FER1L5: variants seen among roughly 807,000 people sequenced by gnomAD.
FER1L5 encodes fer-1 like family member 5.
FER1L5 carries 187 observed loss-of-function variants against 279.9 expected under a neutral mutation model. That is an observed-to-expected ratio of 0.67 (90% confidence interval 0.59 to 0.75). FER1L5 has a LOEUF of 0.75. FER1L5 is among the 30% of genes least tolerant of loss of function. The probability of loss-of-function intolerance (pLI) is 0.00; values close to 1 mark genes in which losing one functional copy is unlikely to be tolerated. For missense variants in FER1L5, 2,091 were observed against 2,594.4 expected, an observed-to-expected ratio of 0.81 and a Z score of 4.21; for synonymous variants, 921 against 989.7, an observed-to-expected ratio of 0.93 and a Z score of 1.30.
chr2:96,704,592 C>T lies in FER1L5; in HGVS notation c.6074C>T (p.Pro2025Leu). The change falls in exon 53 of 53, where the codon CCA becomes CTA. Residue 2025 changes from proline (P) to leucine (L), a missense_variant. By Grantham distance (98) the Pro-to-Leu change is moderately conservative. Transcript: ENST00000624922. ...TCTTCCATCCTTCCCACCCAGGATC[C>T]AAACCTAAAGCCTACAATAGACCAT... Reference protein sequence around the residue: ...ASSSILPTQDPNLKPTIDHEW... With the variant: ...ASSSILPTQDLNLKPTIDHEW... 1 of 1,613,962 alleles carries T rather than the reference C, an allele frequency of 6.2e-7. No homozygotes were observed.
At chr2:96,704,163 G>T in intron 51 of FER1L5, 52 bp from the exon 52 acceptor site, 1 of 1,599,624 alleles carries the variant, frequency 6.3e-7, no homozygotes, top group South Asian at 1.1e-5. Context: ...CAGATTACTT[G>T]ACCTGAAGGT....
At chr2:96,688,419 G>A (rs2077015942) in intron 24 of FER1L5, among the ~76,000 whole-genome samples, 1 of 152,134 alleles carries the variant, frequency 6.6e-6, no homozygotes, top group Admixed American at 6.5e-5. Context: ...AATGGTAGAG[G>A]AGTAGGATCT....
rs757733874 is a variant in FER1L5 at position 96,700,434 on chromosome 2, G to A, written c.5033G>A (p.Arg1678His). The change falls in exon 45 of 53, where the codon CGC (arginine) becomes CAC (histidine). Residue 1678 changes from arginine (R) to histidine (H), a missense_variant. Coordinates refer to ENST00000624922, the MANE Select transcript of FER1L5 (RefSeq NM_001293083.2). ...QGLVPEHVET[R>H]TLYSHSQPGI... ...CTGGTACCTGAGCACGTGGAGACCC[G>A]CACACTGTACAGCCACAGCCAGCCA... 2.4e-5 allele frequency: 38 copies of A among 1,613,446 alleles called. No individual in the cohort carries two copies. The highest frequency in any genetic ancestry group is 3.3e-5 in the Admixed American group (2 of 60,004).
chr2:96,698,886 T>C lies in FER1L5; in HGVS notation c.4518+54T>C. 6.5e-6 allele frequency: 10 copies of C among 1,543,238 alleles called. No individual in the cohort carries two copies. Among genetic ancestry groups the C allele is most frequent in the South Asian group, 1.2e-5 (1 of 83,850 alleles). On this transcript the variant is annotated intron_variant, in intron 41 of 52. Transcript: ENST00000624922. The surrounding 1 kb of genome is among the most constrained non-coding windows in gnomAD (Gnocchi z 5.5). ...TGCCCCGCACGCTCCCCTCAACCCA[T>C]CTCTGGGAGCCCCCTCCGACTGCTG...
intron 5 of FER1L5, 140 bp from the exon 6 acceptor site, chr2:96,650,040 A>G: frequency 1.5e-6 from 1 of 677,310 alleles, no homozygotes. Context: ...TCTGGGGAGG[A>G]CATATGTCAC....
intron 13 of FER1L5, 124 bp from the exon 14 acceptor site, chr2:96,663,315 G>T: frequency 1.2e-6 from 1 of 853,214 alleles, no homozygotes; most frequent in Non-Finnish European, 1.9e-6. Context: ...TGAGAGCAGG[G>T]ATTAGCCCAA....
chr2:96,645,509 C>A (rs1372650154), intron 1 of FER1L5, among the ~76,000 whole-genome samples: 1 of 152,178 alleles, frequency 6.6e-6, no homozygotes, highest in Non-Finnish European at 1.5e-5. Context: ...TGAAATGGGC[C>A]GAGCGCGGTG....
At chr2:96,674,067 G>GT (rs2076424480) in intron 19 of FER1L5, among the ~76,000 whole-genome samples, 1 of 152,136 alleles carries the variant, frequency 6.6e-6, no homozygotes, top group Admixed American at 6.6e-5. Context: ...TTGTACAATA[G>GT]TTTCTTAGTA....
intron 20 of FER1L5, 149 bp downstream of exon 20, chr2:96,684,600 AG>A (rs1023314573): frequency 1.8e-5 from 23 of 1,254,434 alleles, no homozygotes; most frequent in Admixed American, 2.6e-5. Flanking sequence ...TGCCAGAAGC[AG>A]GGTAGGCACT....
At chr2:96,669,011 C>T (rs535821931) in intron 16 of FER1L5, 32 bp from the exon 17 acceptor site, 14 of 1,551,648 alleles carry the variant, frequency 9.0e-6, no homozygotes, top group African/African-American at 5.5e-5. Context: ...CCTCGTCCTG[C>T]GCCCGACCCT....
chr2:96,687,862 G>T lies in FER1L5; in HGVS notation c.2276G>T (p.Arg759Leu). 1 of 1,551,290 alleles carries T rather than the reference G, an allele frequency of 6.4e-7. No homozygotes were observed. Among genetic ancestry groups the T allele is most frequent in the Non-Finnish European group, 8.7e-7 (1 of 1,146,964 alleles). The change falls in exon 24 of 53, where the codon CGG becomes CTG. Residue 759 changes from arginine to leucine, a missense_variant. Transcript: ENST00000624922. Reference sequence around the variant, plus strand: ...AAGGATGTGCTCCCAGCTCACCTCCGGGTCTGCATGTGGCTTGGCAATGTC... The same window carrying T: ...AAGGATGTGCTCCCAGCTCACCTCCTGGTCTGCATGTGGCTTGGCAATGTC... The part of the protein sequence containing the change: ...GQKDVLPAHL[R>L]VCMWLGNVTD...
Position 96,694,238 on chromosome 2 carries a change from C to T in FER1L5, c.3637-122C>T, listed in dbSNP as rs1247862257. On this transcript the variant is annotated intron_variant, in intron 33 of 52. Coordinates refer to ENST00000624922, the MANE Select transcript of FER1L5 (RefSeq NM_001293083.2). This position sits in a 1 kb window ranked among gnomAD's most constrained non-coding sequence, Gnocchi z 4.6. ...GCCTGACCAGCCTCTCCCCTAAGTCCCCCTGCCAGCCCCTACCCATGGGGC... is the reference window on the plus strand; with the variant it reads ...GCCTGACCAGCCTCTCCCCTAAGTCTCCCTGCCAGCCCCTACCCATGGGGC... 15 of 1,289,530 alleles carry T rather than the reference C, an allele frequency of 1.2e-5. No homozygotes were observed. Among genetic ancestry groups the T allele is most frequent in the Non-Finnish European group, 1.4e-5 (13 of 959,432 alleles). 79.9% of individuals were successfully genotyped at this position (1,289,530 alleles called of 1,614,324 possible).
chr2:96,688,534 G>A (rs866820991), intron 24 of FER1L5, among the ~76,000 whole-genome samples: 8 of 152,214 alleles, frequency 5.3e-5, no homozygotes, highest in African/African-American at 7.2e-5. Context: ...CCCGGGGGAA[G>A]GACATGGCTC....
intron 10 of FER1L5, among the ~76,000 whole-genome samples, chr2:96,661,044 C>T (rs1412364659): frequency 6.6e-6 from 1 of 152,170 alleles, no homozygotes; most frequent in Non-Finnish European, 1.5e-5. Context: ...AAAATGCTTG[C>T]CTCTACAGTG....
At position 96,646,551 on chromosome 2, in the gene FER1L5, A is replaced by G; in HGVS notation, c.138+98A>G. On this transcript the variant is annotated intron_variant, in intron 2 of 52. Transcript: ENST00000624922. ...AGGTGCTCAGAGGTCTAGGGAGAGG[A>G]CGTGCAACCTCACAGGCTTTCCTCA... 7 of 1,220,536 alleles carry G rather than the reference A, an allele frequency of 5.7e-6. No homozygotes were observed. In the South Asian group the frequency reaches 8.0e-5, roughly 14 times the overall value. The allele number at this position is 1,220,536 out of a possible 1,614,324, so 75.6% of individuals were successfully genotyped here. A position where few individuals can be genotyped will look rare whatever the true frequency, so the allele number is the denominator to read the frequency against.
At chr2:96,658,506 C>T (rs1159787174) in intron 9 of FER1L5, among the ~76,000 whole-genome samples, 1 of 152,014 alleles carries the variant, frequency 6.6e-6, no homozygotes, top group Non-Finnish European at 1.5e-5. Flanking sequence ...CCCGCCTCGG[C>T]CTCCCAAAGT....
intron 18 of FER1L5, among the ~76,000 whole-genome samples, chr2:96,671,314 C>A (rs1037579170): frequency 1.3e-5 from 2 of 151,936 alleles, no homozygotes; most frequent in Admixed American, 6.6e-5. Context: ...GTCACCCAGT[C>A]AAGAGAAACA....
Position 96,652,047 on chromosome 2 carries a change from A to G in FER1L5, c.633+27A>G, listed in dbSNP as rs753986379. The G allele has an allele frequency of 1.7e-5, 26 of 1,551,416 alleles. 1 individual carries two copies. The South Asian group carries it at 3.1e-4, about 18-fold the overall frequency. The stretch of plus-strand genomic sequence containing the variant: ...TGGGCTGAACGGGGCACATCAGGCA[A>G]GGAGCCAGCCAAGGGCTGGGCATCC... On this transcript the variant is annotated intron_variant, in intron 7 of 52. Transcript: ENST00000624922.
rs762754534 is a variant in FER1L5, at chr2:96,661,460, G to A, written c.894+20G>A. 2.3e-5 allele frequency: 35 copies of A among 1,549,174 alleles called. No individual in the cohort carries two copies. Among genetic ancestry groups the A allele is most frequent in the South Asian group, 1.5e-4 (13 of 83,988 alleles). ...GCCCTGGTGAGCTGCCCCTAACCCCGGAAACTTTCCTATCCTGGCTGCCTC... is the reference window on the plus strand; with the variant it reads ...GCCCTGGTGAGCTGCCCCTAACCCCAGAAACTTTCCTATCCTGGCTGCCTC... On this transcript the variant is annotated intron_variant, in intron 11 of 52. Transcript: ENST00000624922.
Sources: gnomAD v4.1 joint callset for allele counts (sites outside exome capture counted in the v4.1 genomes callset) on GRCh38, gnomAD v4.1.1 for gene constraint, Gnocchi (gnomAD v3.1) non-coding constraint, MANE v1.5 for transcripts, NCBI Gene and HGNC (gene_info 2026-07-23, HGNC 2026-07-21) for gene names.